The following DTNA variants were observed in gnomAD, a reference collection of about 807,000 sequenced individuals.
DTNA encodes dystrophin-related protein 3.
DTNA carries 43 observed loss-of-function variants against 100.7 expected under a neutral mutation model. The observed-to-expected ratio is 0.43, with a 90% confidence interval of 0.33 to 0.55. The LOEUF is 0.55. DTNA is among the 20% of genes least tolerant of loss of function. DTNA has a pLI of 0.04. For synonymous variants in DTNA, 349 were observed against 347.9 expected, an observed-to-expected ratio of 1.00 and a Z score of -0.04; for missense variants, 798 against 953.9, an observed-to-expected ratio of 0.84 and a Z score of 2.15.
intron 1 of DTNA, among the ~76,000 whole-genome samples, chr18:34,678,025 C>T (rs2077599142): frequency 6.6e-6 from 1 of 152,138 alleles, no homozygotes; most frequent in Non-Finnish European, 1.5e-5. Context: ...GAAGCAAACA[C>T]ATCCTTCTTC....
At chr18:34,574,696 A>T (rs1166071766) in intron 1 of DTNA, among the ~76,000 whole-genome samples, 1 of 152,152 alleles carries the variant, frequency 6.6e-6, no homozygotes, top group African/African-American at 2.4e-5. Context: ...TAATGATGTG[A>T]TCATAGCTCA....
At chr18:34,531,406 G>A (rs2043126711) in intron 1 of DTNA, among the ~76,000 whole-genome samples, 1 of 152,062 alleles carries the variant, frequency 6.6e-6, no homozygotes, top group South Asian at 2.1e-4. Context: ...GTATTTTGAG[G>A]ACATGATTAC....
intron 1 of DTNA, among the ~76,000 whole-genome samples, chr18:34,511,818 A>C (rs2041120964): frequency 6.6e-6 from 1 of 152,092 alleles, no homozygotes; most frequent in Non-Finnish European, 1.5e-5. Flanking sequence ...ATATAATAAT[A>C]GATGCATATT....
In DTNA at chr18:34,888,418, A is replaced by T; in HGVS notation, c.*684A>T. 1 of 985,824 alleles carries T rather than the reference A, an allele frequency of 1.0e-6. No individual in the cohort carries two copies. Among genetic ancestry groups the T allele is most frequent in the Non-Finnish European group, 1.2e-6 (1 of 829,928 alleles). 61.1% of individuals were successfully genotyped at this position (985,824 alleles called of 1,614,324 possible). The stretch of plus-strand genomic sequence containing the variant: ...TAGTTGACTCCAAGTCTCTGTGAGC[A>T]GTGACTTGAACCAAACACACCAGGA... On this transcript the variant is annotated 3_prime_UTR_variant, in exon 23 of 23. Coordinates refer to ENST00000444659, the MANE Select transcript of DTNA (RefSeq NM_001386795.1).
At chr18:34,884,841 G>A in intron 22 of DTNA, 65 bp downstream of exon 22, 1 of 1,537,562 alleles carries the variant, frequency 6.5e-7, no homozygotes, top group East Asian at 2.2e-5. Context: ...AACCTGTAAT[G>A]CGAATTCACA....
chr18:34,656,961 C>G lies in DTNA; in HGVS notation c.-1-99015C>G, dbSNP rs953152627. ...GCATGATCTCGGCTCACTGCAACCT[C>G]CACCTCCCAGGCTCAAGCAATTCTC... On this transcript the variant is annotated intron_variant, in intron 1 of 19. Coordinates refer to the DTNA transcript ENST00000283365. Among the ~76,000 whole-genome samples, 3 of 152,210 alleles carry G rather than the reference C, an allele frequency of 2.0e-5. No individual in the cohort carries two copies. The East Asian group carries it at 5.8e-4, about 29-fold the overall frequency.
At chr18:34,679,753 C>T (rs575040302) in intron 1 of DTNA, among the ~76,000 whole-genome samples, 3 of 152,178 alleles carry the variant, frequency 2.0e-5, no homozygotes, top group South Asian at 2.1e-4. Context: ...CAGTTTCGTA[C>T]CTTTAGTGAG....
At chr18:34,643,052 A>G (rs962836607) in intron 1 of DTNA, among the ~76,000 whole-genome samples, 1 of 152,240 alleles carries the variant, frequency 6.6e-6, no homozygotes, top group African/African-American at 2.4e-5. Context: ...AGTATTAGGT[A>G]TAACTGGAAA....
chr18:34,560,486 C>A (rs916690014), intron 1 of DTNA, among the ~76,000 whole-genome samples: 1 of 152,014 alleles, frequency 6.6e-6, no homozygotes, highest in Non-Finnish European at 1.5e-5. Flanking sequence ...TTGAAATAAG[C>A]CTACACATAG....
At chr18:34,552,360 G>T (rs1208734240) in intron 1 of DTNA, among the ~76,000 whole-genome samples, 1 of 151,546 alleles carries the variant, frequency 6.6e-6, no homozygotes, top group African/African-American at 2.4e-5. Context: ...GTTTTGGTTT[G>T]CTTATTTTTT....
intron 14 of DTNA, 115 bp from the exon 15 acceptor site, chr18:34,851,716 T>C (rs372409180): frequency 8.5e-7 from 1 of 1,179,262 alleles, no homozygotes; most frequent in Admixed American, 2.0e-5. Flanking sequence ...TTGCTTTCTT[T>C]GTTTTGATAG....
intron 1 of DTNA, among the ~76,000 whole-genome samples, chr18:34,679,914 A>G (rs2077859392): frequency 6.6e-6 from 1 of 152,164 alleles, no homozygotes; most frequent in Non-Finnish European, 1.5e-5. Flanking sequence ...ATAATACTTC[A>G]TTCTATTCTA....
intron 1 of DTNA, among the ~76,000 whole-genome samples, chr18:34,525,956 T>C (rs747566041): frequency 6.7e-4 from 102 of 152,170 alleles, no homozygotes; most frequent in Non-Finnish European, 1.2e-3. Context: ...AGCTCAGTGC[T>C]CTTTCTTGTA....
chr18:34,524,296 C>G (rs1376768884), intron 1 of DTNA, among the ~76,000 whole-genome samples: 2 of 152,136 alleles, frequency 1.3e-5, no homozygotes, highest in Non-Finnish European at 2.9e-5. Flanking sequence ...GTATTTTGTA[C>G]TACTTCGCAT....
At chr18:34,757,480 T>C (rs896598127) in intron 2 of DTNA, among the ~76,000 whole-genome samples, 2 of 152,166 alleles carry the variant, frequency 1.3e-5, no homozygotes, top group African/African-American at 4.8e-5. Context: ...TATTTGAACT[T>C]ATCATTATAA....
At chr18:34,506,016 G>T (rs1048218572) in intron 1 of DTNA, among the ~76,000 whole-genome samples, 3 of 152,162 alleles carry the variant, frequency 2.0e-5, no homozygotes, top group Non-Finnish European at 4.4e-5. Flanking sequence ...CAGGTGGGGG[G>T]TAGAAATTAG....
chr18:34,681,258 C>T (rs2078060254), intron 1 of DTNA, among the ~76,000 whole-genome samples: 2 of 152,068 alleles, frequency 1.3e-5, no homozygotes, highest in Admixed American at 1.3e-4. Context: ...AGAAAATGAA[C>T]ATGGATTACT....
At chr18:34,754,102 G>A (rs1448394223) in intron 1 of DTNA, among the ~76,000 whole-genome samples, 1 of 152,060 alleles carries the variant, frequency 6.6e-6, no homozygotes, top group Non-Finnish European at 1.5e-5. Context: ...CTCTTCCCTT[G>A]ACTCCATAAA....
chr18:34,635,677 C>G (rs1356504965), intron 1 of DTNA, among the ~76,000 whole-genome samples: 1 of 152,002 alleles, frequency 6.6e-6, no homozygotes, highest in Non-Finnish European at 1.5e-5. Context: ...AAATATTGAC[C>G]CATTTTACTT....
Sources: allele counts gnomAD v4.1 joint callset (sites outside exome capture counted in the v4.1 genomes callset), GRCh38; gene constraint gnomAD v4.1.1; transcripts MANE v1.5; gene names NCBI Gene and HGNC (gene_info 2026-07-23, HGNC 2026-07-21).